The following TBCEL variants were observed in gnomAD, a reference collection of about 807,000 sequenced individuals.
The protein encoded by TBCEL is tubulin-specific chaperone cofactor E-like protein.
In TBCEL, 15 loss-of-function variants were observed where a neutral mutation model predicts 44.2. That is an observed-to-expected ratio of 0.34 (90% CI 0.23 to 0.52). The LOEUF is 0.52. Among genes scored for constraint, TBCEL ranks in the 20% least tolerant of loss-of-function variants. TBCEL has a pLI of 0.95. For missense variants in TBCEL, 319 were observed against 506.3 expected, an observed-to-expected ratio of 0.63 and a Z score of 3.55; for synonymous variants, 171 against 185.4, an observed-to-expected ratio of 0.92 and a Z score of 0.63.
intron 6 of TBCEL, among the ~76,000 whole-genome samples, chr11:121,056,367 T>C (rs946878094): frequency 2.0e-5 from 3 of 151,844 alleles, no homozygotes; most frequent in Non-Finnish European, 2.9e-5. Flanking sequence ...CAGTTTATTT[T>C]ATCTACTCAC....
At chr11:121,074,266 T>G (rs891435912) in intron 8 of TBCEL, among the ~76,000 whole-genome samples, 6 of 152,108 alleles carry the variant, frequency 3.9e-5, no homozygotes, top group Non-Finnish European at 5.9e-5. Flanking sequence ...TCTTCCCATT[T>G]GTATCCTTAG....
intron 8 of TBCEL, among the ~76,000 whole-genome samples, chr11:121,074,058 G>A (rs1945988096): frequency 6.6e-6 from 1 of 151,880 alleles, no homozygotes; most frequent in Non-Finnish European, 1.5e-5. Flanking sequence ...CTTCAAAATT[G>A]AATTGAGTTC....
chr11:121,075,051 G>A (rs528234494), intron 8 of TBCEL, among the ~76,000 whole-genome samples: 2 of 152,050 alleles, frequency 1.3e-5, no homozygotes, highest in South Asian at 4.1e-4. Flanking sequence ...ACTCACTTGT[G>A]TGAGAACTGT....
chr11:121,071,434 A>G (rs553722217), intron 8 of TBCEL, among the ~76,000 whole-genome samples: 202 of 152,314 alleles, frequency 1.3e-3, no homozygotes, highest in African/African-American at 4.7e-3. Context: ...TGCTTATCAT[A>G]AGGAGGAGTC....
intron 3 of TBCEL, among the ~76,000 whole-genome samples, chr11:121,046,369 A>G (rs1354036943): frequency 1.3e-5 from 2 of 152,104 alleles, no homozygotes; most frequent in African/African-American, 2.4e-5. Context: ...AAAATCTGTA[A>G]CTAGAAGTGT....
In TBCEL at chr11:121,055,321, C is replaced by T; in HGVS notation, c.712+13C>T. 1.3e-6 allele frequency: 2 copies of T among 1,582,440 alleles called. No homozygotes were observed. Among genetic ancestry groups the T allele is most frequent in the Non-Finnish European group, 1.7e-6 (2 of 1,161,642 alleles). On this transcript the variant is annotated intron_variant, in intron 6 of 8. Transcript: ENST00000683345. ...CTCCACAAGTCAGGTGAGGTTCAGG[C>T]TTGTTCTTATTCTACATGCAAATTA...
chr11:121,075,079 G>A (rs748557803), intron 8 of TBCEL, among the ~76,000 whole-genome samples: 3 of 151,872 alleles, frequency 2.0e-5, no homozygotes, highest in African/African-American at 4.8e-5. Context: ...ACACAAGGGC[G>A]TGTGTATGTT....
chr11:121,083,322 G>A (rs1196737122), intron 8 of TBCEL, among the ~76,000 whole-genome samples: 1 of 152,158 alleles, frequency 6.6e-6, no homozygotes, highest in Non-Finnish European at 1.5e-5. Flanking sequence ...TGATTGAATT[G>A]ATTGAATTGG....
rs180846025 is a variant in TBCEL, at chr11:121,046,024, A to G, written c.133+201A>G. ...ATTGATTAAGAGATGTTTTAGTTGCATGTGTATGACAGGAATAATATTTGA... is the reference window on the plus strand; with the variant it reads ...ATTGATTAAGAGATGTTTTAGTTGCGTGTGTATGACAGGAATAATATTTGA... On this transcript the variant is annotated intron_variant, in intron 3 of 8. Coordinates refer to ENST00000683345, the MANE Select transcript of TBCEL (RefSeq NM_001363644.2). Among the ~76,000 whole-genome samples the G allele has an allele frequency of 3.6e-3, 549 of 152,222 alleles. 5 individuals carry two copies. Among genetic ancestry groups the G allele is most frequent in the African/African-American group, 0.011 (457 of 41,542 alleles).
At chr11:121,036,278 G>C (rs888664214) in intron 1 of TBCEL, 3 of 152,120 alleles carry the variant, frequency 2.0e-5, no homozygotes, top group Non-Finnish European at 4.4e-5. Flanking sequence ...TGAAAGCCTT[G>C]GAATTTTACC....
chr11:121,072,695 T>C (rs1393119944), intron 8 of TBCEL, among the ~76,000 whole-genome samples: 2 of 152,170 alleles, frequency 1.3e-5, no homozygotes, highest in Non-Finnish European at 2.9e-5. Context: ...CCTCGTATTT[T>C]GTTGAAAAAA....
intron 8 of TBCEL, among the ~76,000 whole-genome samples, chr11:121,083,723 C>G (rs1946165602): frequency 6.6e-6 from 1 of 152,210 alleles, no homozygotes; most frequent in South Asian, 2.1e-4. Context: ...GTTCTTTAAT[C>G]TCATTGTTGA....
rs1006311788 is a variant in TBCEL, at chr11:121,088,825, C to G, written c.*1729C>G. ...TTGACCCAGGCCTACTGAGTCAAATCTACATTCAGTGTAACATTAAAGGTG... is the reference window on the plus strand; with the variant it reads ...TTGACCCAGGCCTACTGAGTCAAATGTACATTCAGTGTAACATTAAAGGTG... On this transcript the variant is annotated 3_prime_UTR_variant, in exon 9 of 9. Coordinates refer to ENST00000683345, the MANE Select transcript of TBCEL (RefSeq NM_001363644.2). The G allele has an allele frequency of 6.6e-6, 1 of 152,116 alleles. No individual in the cohort carries two copies. The highest frequency in any genetic ancestry group is 2.4e-5 in the African/African-American group (1 of 41,440). The allele number at this position is 152,116 out of a possible 1,614,324, so 9.4% of individuals were successfully genotyped here.
intron 2 of TBCEL, among the ~76,000 whole-genome samples, chr11:121,042,038 G>A (rs909077482): frequency 3.3e-5 from 5 of 151,886 alleles, no homozygotes; most frequent in East Asian, 3.9e-4. Context: ...ACTTGAATAC[G>A]TCTTTCCTAC....
At chr11:121,081,377 C>T (rs923692173) in intron 8 of TBCEL, among the ~76,000 whole-genome samples, 32 of 152,242 alleles carry the variant, frequency 2.1e-4, no homozygotes, top group African/African-American at 7.2e-4. Flanking sequence ...ACATCCTTAT[C>T]GGTAATATTT....
In TBCEL at chr11:121,089,477, T is replaced by C. The variant is rs1173811323; in HGVS notation, c.*2381T>C. Reference sequence around the variant, plus strand: ...GAATAATTTTTGATTAAGAGAAAAATGTAATACAATTACTGGTCTGAGTTA... The same window carrying C: ...GAATAATTTTTGATTAAGAGAAAAACGTAATACAATTACTGGTCTGAGTTA... On this transcript the variant is annotated 3_prime_UTR_variant, in exon 9 of 9. Transcript: ENST00000683345. 1 of 152,172 alleles carries C rather than the reference T, an allele frequency of 6.6e-6. No homozygotes were observed. Among genetic ancestry groups the C allele is most frequent in the Non-Finnish European group, 1.5e-5 (1 of 68,024 alleles). The allele number at this position is 152,172 out of a possible 1,614,324, so 9.4% of individuals were successfully genotyped here.
chr11:121,082,343 C>T (rs1472652760), intron 8 of TBCEL, among the ~76,000 whole-genome samples: 1 of 152,194 alleles, frequency 6.6e-6, no homozygotes, highest in Non-Finnish European at 1.5e-5. Context: ...TCTCTTCTTT[C>T]TTATACTTTT....
chr11:121,076,868 G>C (rs1365246551), intron 8 of TBCEL, among the ~76,000 whole-genome samples: 2 of 151,856 alleles, frequency 1.3e-5, no homozygotes, highest in African/African-American at 4.8e-5. Context: ...TCATGAATGG[G>C]TGCTGAATTT....
At position 121,058,392 on chromosome 11, in the gene TBCEL, C is replaced by T. The variant is rs753926026; in HGVS notation, c.760C>T (p.Leu254=). The change falls in exon 7 of 9, where the codon CTG becomes TTG. Residue 254 remains leucine (L), a synonymous_variant. Transcript: ENST00000683345. ...DIDKLNSFPK[L]EEVRLLGIPL... ...TGATAAACTAAATTCATTTCCCAAA[C>T]TGGAAGAAGTGAGATTGTTAGGAAT... 2.2e-5 allele frequency: 36 copies of T among 1,611,918 alleles called. No homozygotes were observed. The highest frequency in any genetic ancestry group is 2.9e-5 in the Non-Finnish European group (34 of 1,178,434).
Sources: gnomAD v4.1 joint callset for allele counts (sites outside exome capture counted in the v4.1 genomes callset) on GRCh38, gnomAD v4.1.1 for gene constraint, MANE v1.5 for transcripts, NCBI Gene and HGNC (gene_info 2026-07-23, HGNC 2026-07-21) for gene names.